GPAM: variants seen among roughly 807,000 people sequenced by gnomAD.
GPAM encodes the protein glycerol-3-phosphate acyltransferase 1, mitochondrial.
GPAM carries 56 observed loss-of-function variants against 105.0 expected under a neutral mutation model. The ratio of observed to expected loss-of-function variants is 0.53; its 90% CI spans 0.43 to 0.67. GPAM has a LOEUF of 0.67. GPAM is among the 30% of genes least tolerant of loss of function. GPAM has a pLI of 0.00. For synonymous variants in GPAM, 368 were observed against 354.4 expected (o/e 1.04, Z -0.43); for missense variants, 855 against 989.8 (o/e 0.86, Z 1.83).
rs1846886677 is a variant in GPAM, at chr10:112,149,981, G to A, written c.*3569C>T. 1.0e-6 allele frequency: 1 copy of A among 985,288 alleles called. No homozygotes were observed. The highest frequency in any genetic ancestry group is 1.7e-5 in the African/African-American group (1 of 57,342). 61.0% of individuals were successfully genotyped at this position (985,288 alleles called of 1,614,324 possible). A position where few individuals can be genotyped will look rare whatever the true frequency, so the allele number is the denominator to read the frequency against. ...AGTATGTTTTGCTCACAAAATCGCA[G>A]TTATTTCACAGTACCTTATAGTAAT... is the stretch of plus-strand genomic sequence containing the variant. On this transcript the variant is annotated 3_prime_UTR_variant, in exon 22 of 22. Transcript: ENST00000348367.
chr10:112,160,567 ATGAAAATTAC>A (rs1564674750), intron 16 of GPAM, 27 bp downstream of exon 16: 3 of 1,589,552 alleles, frequency 1.9e-6, no homozygotes, highest in Admixed American at 1.7e-5. Flanking sequence ...TTTATTTTCC[ATGAAAATTAC>A]TGAAAATATT....
At chr10:112,160,500 T>C in intron 16 of GPAM, 104 bp downstream of exon 16, 5 of 1,271,364 alleles carry the variant, frequency 3.9e-6, no homozygotes, top group Non-Finnish European at 5.6e-6. Flanking sequence ...CCACATTCCC[T>C]CAAGCAAGGG....
chr10:112,186,242 C>T (rs1847594493), upstream of GPAM, among the ~76,000 whole-genome samples: 1 of 151,854 alleles, frequency 6.6e-6, no homozygotes, highest in South Asian at 2.1e-4. Flanking sequence ...ATCTGAAGTA[C>T]TGAATGAAGA....
At chr10:112,166,002 T>C (rs1331455138) in intron 12 of GPAM, among the ~76,000 whole-genome samples, 1 of 152,122 alleles carries the variant, frequency 6.6e-6, no homozygotes, top group Non-Finnish European at 1.5e-5. Context: ...CTTAGCTTTT[T>C]GTGGGGGGTT....
intron 1 of GPAM, among the ~76,000 whole-genome samples, chr10:112,200,167 AATATAT>A (rs10528337): frequency 0.17 from 14,332 of 86,684 alleles, 1,477 homozygotes; most frequent in South Asian, 0.26. Context: ...TTGTAAAGGA[AATATAT>A]ATATATATAT....
At chr10:112,162,066 C>CA (rs973500320) in intron 14 of GPAM, among the ~76,000 whole-genome samples, 56 of 152,286 alleles carry the variant, frequency 3.7e-4, no homozygotes, top group African/African-American at 1.2e-3. Flanking sequence ...TTTAGTTCTA[C>CA]GGGATCTCCC....
intron 11 of GPAM, 142 bp from the exon 12 acceptor site, chr10:112,166,657 T>C (rs10749109): frequency 0.57 from 386,952 of 683,730 alleles, 111,020 homozygotes; most frequent in East Asian, 0.62. Flanking sequence ...GGAAAGGAGG[T>C]AATCATTAAC....
intron 21 of GPAM, chr10:112,154,082 G>C (rs1846971824): frequency 5.2e-6 from 1 of 193,360 alleles, no homozygotes. Context: ...AAAAATACAA[G>C]AAAGTAACTA....
intron 1 of GPAM, among the ~76,000 whole-genome samples, chr10:112,191,189 G>C (rs986491544): frequency 6.6e-6 from 1 of 152,148 alleles, no homozygotes; most frequent in East Asian, 1.9e-4. Context: ...GGTCCAACTC[G>C]GACAGCCTAG....
rs1371949554 is a variant in GPAM, at chr10:112,150,376, G to A, written c.*3174C>T. 5.1e-6 allele frequency: 5 copies of A among 985,414 alleles called. No homozygotes were observed. The allele number at this position is 985,414 out of a possible 1,614,324, so 61.0% of individuals were successfully genotyped here. On this transcript the variant is annotated 3_prime_UTR_variant, in exon 22 of 22. Coordinates refer to ENST00000348367, the MANE Select transcript of GPAM (RefSeq NM_001244949.2). The stretch of plus-strand genomic sequence containing the variant: ...TCTGATACGTTCAGTGAAAAAGCCA[G>A]GATCATTGGGGCTGTTCTCTCTATC...
At chr10:112,179,887 C>G (rs1228787668) in intron 4 of GPAM, among the ~76,000 whole-genome samples, 1 of 152,210 alleles carries the variant, frequency 6.6e-6, no homozygotes, top group African/African-American at 2.4e-5. Context: ...AAATATACCT[C>G]TCACCCACTT....
chr10:112,168,024 G>A (rs1474933167), intron 11 of GPAM, among the ~76,000 whole-genome samples: 3 of 152,226 alleles, frequency 2.0e-5, no homozygotes, highest in East Asian at 1.9e-4. Context: ...ATGGCAACAC[G>A]GTGGCAAGTC....
chr10:112,210,339 C>T (rs940291554), intron 1 of GPAM, among the ~76,000 whole-genome samples: 4 of 152,178 alleles, frequency 2.6e-5, no homozygotes, highest in Non-Finnish European at 5.9e-5. Flanking sequence ...ATGACTCCAC[C>T]ATCAAACAGG....
At chr10:112,177,283 T>C (rs1172901749) in intron 5 of GPAM, among the ~76,000 whole-genome samples, 3 of 152,210 alleles carry the variant, frequency 2.0e-5, no homozygotes, top group Non-Finnish European at 4.4e-5. Context: ...CTTGCACTAA[T>C]TTTCATAGAA....
intron 12 of GPAM, among the ~76,000 whole-genome samples, chr10:112,165,208 C>G (rs1022973672): frequency 6.6e-6 from 1 of 152,122 alleles, no homozygotes; most frequent in Non-Finnish European, 1.5e-5. Flanking sequence ...TCCCTGGGCT[C>G]CCTACTTCTG....
intron 3 of GPAM, among the ~76,000 whole-genome samples, chr10:112,181,281 G>A (rs1452778613): frequency 2.0e-5 from 3 of 151,438 alleles, no homozygotes; most frequent in Admixed American, 6.6e-5. Flanking sequence ...CCAAGAAAAT[G>A]TACGCCTTTT....
At chr10:112,185,587 C>G (rs556763123), upstream of GPAM, among the ~76,000 whole-genome samples, 10 of 28,798 alleles carry the variant, frequency 3.5e-4, no homozygotes, top group African/African-American at 7.0e-4. Flanking sequence ...CACACACACA[C>G]ACACACACAC....
At chr10:112,165,409 C>T (rs1847196984) in intron 12 of GPAM, among the ~76,000 whole-genome samples, 1 of 152,086 alleles carries the variant, frequency 6.6e-6, no homozygotes, top group South Asian at 2.1e-4. Context: ...TTTGGCTGCC[C>T]GAAGTGGCTC....
At chr10:112,176,742 TTG>T (rs1274380149) in intron 5 of GPAM, among the ~76,000 whole-genome samples, 1 of 152,088 alleles carries the variant, frequency 6.6e-6, no homozygotes, top group Non-Finnish European at 1.5e-5. Flanking sequence ...ACTGAAAGCA[TTG>T]TGTGTGTGTG....
Sources: allele counts gnomAD v4.1 joint callset (sites outside exome capture counted in the v4.1 genomes callset), GRCh38; gene constraint gnomAD v4.1.1; transcripts MANE v1.5; gene names NCBI Gene and HGNC (gene_info 2026-07-23, HGNC 2026-07-21).